The following BICD1 variants were observed in gnomAD, a reference collection of about 807,000 sequenced individuals.
BICD1 encodes protein bicaudal D homolog 1.
In BICD1, 35 loss-of-function variants were observed where a neutral mutation model predicts 92.5. The observed-to-expected ratio is 0.38, with a 90% CI of 0.29 to 0.50. BICD1 has a LOEUF of 0.50. Ranked by LOEUF, BICD1 falls within the 20% of genes least tolerant of loss-of-function variation. The pLI is 0.93. For missense variants in BICD1, 950 were observed against 1,189.8 expected, an observed-to-expected ratio of 0.80 and a Z score of 2.97; for synonymous variants, 429 against 465.1, an observed-to-expected ratio of 0.92 and a Z score of 1.00.
At chr12:32,229,292 G>A (rs113692502) in intron 2 of BICD1, among the ~76,000 whole-genome samples, 1,637 of 152,106 alleles carry the variant, frequency 0.011, 22 homozygotes, top group African/African-American at 0.035. Flanking sequence ...TCCATCAGTA[G>A]ATAGATGCTA....
rs531201610 is a variant in BICD1, at chr12:32,232,066, A to C, written c.426+15607A>C. On this transcript the variant is annotated intron_variant, in intron 2 of 9. Transcript: ENST00000652176. Reference sequence around the variant, plus strand: ...TAAACATACGTGTGCATGTGTCTTTATAGCAGCCTGATTTATAGTCCTTTG... The same window carrying C: ...TAAACATACGTGTGCATGTGTCTTTCTAGCAGCCTGATTTATAGTCCTTTG... 1.2e-3 allele frequency among the ~76,000 whole-genome samples: 182 copies of C among 151,714 alleles called. 1 individual carries two copies. The highest frequency in any genetic ancestry group is 2.1e-3 in the Non-Finnish European group (145 of 67,954).
At chr12:32,332,340 T>C in intron 5 of BICD1, 1 of 612,430 alleles carries the variant, frequency 1.6e-6, no homozygotes, top group Non-Finnish European at 2.0e-6. Flanking sequence ...TTTACCTATG[T>C]AACAAACCTG....
At chr12:32,283,125 A>C (rs1479523265) in intron 2 of BICD1, among the ~76,000 whole-genome samples, 1 of 136,928 alleles carries the variant, frequency 7.3e-6, no homozygotes, top group Non-Finnish European at 1.6e-5. Flanking sequence ...GTTTTCAGGG[A>C]GGGAAGATGG....
chr12:32,276,544 C>T (rs1427968417), intron 2 of BICD1, among the ~76,000 whole-genome samples: 1 of 152,122 alleles, frequency 6.6e-6, no homozygotes, highest in African/African-American at 2.4e-5. Flanking sequence ...GAGAGCACAG[C>T]GGGAGGGACA....
At chr12:32,282,253 C>A (rs1344840739) in intron 2 of BICD1, among the ~76,000 whole-genome samples, 1 of 120,700 alleles carries the variant, frequency 8.3e-6, no homozygotes, top group East Asian at 2.7e-4. Context: ...CAGGGTCTCA[C>A]TCTGTTGCCC....
intron 1 of BICD1, among the ~76,000 whole-genome samples, chr12:32,207,640 G>C (rs1310486553): frequency 1.3e-5 from 2 of 152,058 alleles, no homozygotes. Context: ...TTCTCAAATG[G>C]ACGGACTTTA....
At chr12:32,171,289 C>T (rs772216266) in intron 1 of BICD1, among the ~76,000 whole-genome samples, 28 of 152,214 alleles carry the variant, frequency 1.8e-4, no homozygotes, top group Non-Finnish European at 3.5e-4. Context: ...TGTTCCAGGG[C>T]GTGGCAGGAC....
intron 2 of BICD1, among the ~76,000 whole-genome samples, chr12:32,231,353 T>C (rs1945881156): frequency 6.6e-6 from 1 of 151,944 alleles, no homozygotes; most frequent in South Asian, 2.1e-4. Flanking sequence ...CATGGTGGCG[T>C]GTGCCTGTAG....
At chr12:32,155,195 C>T (rs148139801) in intron 1 of BICD1, among the ~76,000 whole-genome samples, 137 of 152,252 alleles carry the variant, frequency 9.0e-4, no homozygotes, top group African/African-American at 3.0e-3. Context: ...CTCCATCGGC[C>T]ACTGACAGTC....
At chr12:32,293,277 G>A (rs1947770849) in intron 2 of BICD1, among the ~76,000 whole-genome samples, 1 of 151,988 alleles carries the variant, frequency 6.6e-6, no homozygotes, top group Non-Finnish European at 1.5e-5. Context: ...ATAATATATT[G>A]TGACTACATT....
chr12:32,304,220 T>C (rs1948148213), intron 3 of BICD1, among the ~76,000 whole-genome samples: 1 of 152,144 alleles, frequency 6.6e-6, no homozygotes, highest in Non-Finnish European at 1.5e-5. Context: ...AAAGGGAAGT[T>C]GGGGGAGAAA....
chr12:32,262,124 T>G (rs1946875695), intron 2 of BICD1, among the ~76,000 whole-genome samples: 1 of 152,226 alleles, frequency 6.6e-6, no homozygotes. Flanking sequence ...ATAAATGTCC[T>G]TAAACTTTTA....
intron 2 of BICD1, among the ~76,000 whole-genome samples, chr12:32,276,585 C>G (rs932812144): frequency 2.0e-5 from 3 of 152,108 alleles, no homozygotes; most frequent in African/African-American, 4.8e-5. Flanking sequence ...GGCATTCGAG[C>G]TGGCAACGGC....
intron 1 of BICD1, among the ~76,000 whole-genome samples, chr12:32,142,854 CA>C (rs1942989105): frequency 6.6e-6 from 1 of 152,192 alleles, no homozygotes; most frequent in Admixed American, 6.5e-5. Flanking sequence ...TGAAATCTTG[CA>C]TGCAGCACAA....
chr12:32,331,993 A>G (rs1937895706), intron 5 of BICD1, among the ~76,000 whole-genome samples: 1 of 152,152 alleles, frequency 6.6e-6, no homozygotes, highest in African/African-American at 2.4e-5. Flanking sequence ...AGGGGAAAAA[A>G]GGAAATCTCC....
At chr12:32,287,600 G>A (rs1021958162) in intron 2 of BICD1, among the ~76,000 whole-genome samples, 3 of 149,592 alleles carry the variant, frequency 2.0e-5, no homozygotes, top group Non-Finnish European at 3.0e-5. Flanking sequence ...GCAGTGGCAC[G>A]ATCTTGGCTC....
At chr12:32,287,539 T>G (rs1406020407) in intron 2 of BICD1, among the ~76,000 whole-genome samples, 3 of 129,798 alleles carry the variant, frequency 2.3e-5, no homozygotes, top group East Asian at 2.0e-4. Flanking sequence ...GTGTTTTTTT[T>G]TTTGTTTTTT....
chr12:32,354,634 C>T (rs1179124171), intron 8 of BICD1, among the ~76,000 whole-genome samples: 1 of 152,110 alleles, frequency 6.6e-6, no homozygotes, highest in Non-Finnish European at 1.5e-5. Context: ...TTTAGAATAA[C>T]TGATGTTTTA....
chr12:32,294,375 A>G (rs1947804470), intron 3 of BICD1, among the ~76,000 whole-genome samples: 1 of 152,218 alleles, frequency 6.6e-6, no homozygotes, highest in Non-Finnish European at 1.5e-5. Context: ...AAGAAAAAGA[A>G]TTTTAGTTTT....
Sources: gnomAD v4.1 joint callset for allele counts (sites outside exome capture counted in the v4.1 genomes callset) on GRCh38, gnomAD v4.1.1 for gene constraint, MANE v1.5 for transcripts, NCBI Gene and HGNC (gene_info 2026-07-23, HGNC 2026-07-21) for gene names.